The following RPTOR variants were observed in gnomAD, a reference collection of about 807,000 sequenced individuals.
The protein encoded by RPTOR is regulatory associated protein of MTOR complex 1, also known as regulatory-associated protein of mTOR.
A neutral mutation model predicts 169.9 loss-of-function variants in RPTOR; 21 were observed. That is an observed-to-expected ratio of 0.12 (90% CI 0.09 to 0.18). The LOEUF is 0.18. Among genes scored for constraint, RPTOR ranks in the 10% least tolerant of loss-of-function variants. RPTOR has a pLI of 1.00. For missense variants in RPTOR, 1,133 were observed against 1,855.9 expected (o/e 0.61, Z 7.16); for synonymous variants, 732 against 753.2 (o/e 0.97, Z 0.46).
rs1555599807 is a variant in RPTOR at position 80,634,308 on chromosome 17, C to CTG, written c.265+8518_265+8519dup. Among the ~76,000 whole-genome samples the CTG allele has an allele frequency of 5.1e-3, 328 of 64,414 alleles. 2 individuals carry two copies. The highest frequency in any genetic ancestry group is 0.024 in the Middle Eastern group (2 of 82). The allele number at this position is 64,414 out of a possible 152,430, so 42.3% of individuals were successfully genotyped here. On this transcript the variant is annotated intron_variant, in intron 2 of 33. Coordinates refer to ENST00000306801, the MANE Select transcript of RPTOR (RefSeq NM_020761.3). The stretch of plus-strand genomic sequence containing the variant: ...TGTGTGCGTACTGTGTGTGTGCGTA[C>CTG]TGTGCGTGTGCGTACTATGTGCGTG...
chr17:80,911,211 C>T (rs9891592), intron 21 of RPTOR, among the ~76,000 whole-genome samples: 2,913 of 152,274 alleles, frequency 0.019, 106 homozygotes, highest in African/African-American at 0.066. Flanking sequence ...AATTCTGCAC[C>T]GGCCTCCCCT....
In RPTOR at chr17:80,855,445, TTTC is replaced by T. The variant is rs771381287; in HGVS notation, c.1315-13_1315-11del. The T allele has an allele frequency of 1.2e-6, 2 of 1,601,254 alleles. No homozygotes were observed. Among genetic ancestry groups the T allele is most frequent in the Non-Finnish European group, 1.7e-6 (2 of 1,168,422 alleles). On this transcript the variant is annotated splice_polypyrimidine_tract_variant and intron_variant, in intron 11 of 33. Transcript: ENST00000306801. ...CCAGTATGGTTTGCAGTGATACCAT[TTTC>T]TTCTTGTTCTTCCAGGTGCTGTTAA... is the stretch of plus-strand genomic sequence containing the variant.
intron 2 of RPTOR, among the ~76,000 whole-genome samples, chr17:80,629,718 C>T (rs927573004): frequency 2.4e-4 from 36 of 150,674 alleles, no homozygotes; most frequent in Admixed American, 2.0e-4. Flanking sequence ...GCAGCTCTTC[C>T]ATGTGTCTCT....
chr17:80,964,203 G>GCCCCCCCC, intron 33 of RPTOR, 59 bp from the exon 34 acceptor site: 8 of 511,970 alleles, frequency 1.6e-5, no homozygotes, highest in Admixed American at 8.3e-5. Context: ...GCGCCCCCCC[G>GCCCCCCCC]CCCCCCGCAG....
At chr17:80,718,030 A>AT (rs374729473) in intron 4 of RPTOR, among the ~76,000 whole-genome samples, 3 of 151,944 alleles carry the variant, frequency 2.0e-5, no homozygotes, top group South Asian at 4.2e-4. Context: ...CACTTGATAC[A>AT]TTTTTTTTCT....
At chr17:80,836,448 G>A (rs962891042) in intron 9 of RPTOR, among the ~76,000 whole-genome samples, 1 of 152,218 alleles carries the variant, frequency 6.6e-6, no homozygotes. Context: ...GTGTGGCTCT[G>A]CGGCCTTGGG....
chr17:80,929,241 C>A (rs1355448188), intron 24 of RPTOR, among the ~76,000 whole-genome samples: 1 of 152,140 alleles, frequency 6.6e-6, no homozygotes, highest in Non-Finnish European at 1.5e-5. Flanking sequence ...GTAAAATAAT[C>A]AAATTGTACA....
At chr17:80,654,208 G>A (rs2065662691) in intron 3 of RPTOR, among the ~76,000 whole-genome samples, 1 of 152,246 alleles carries the variant, frequency 6.6e-6, no homozygotes, top group Non-Finnish European at 1.5e-5. Flanking sequence ...AGTAGAAGGA[G>A]ATTCCCCCAC....
intron 1 of RPTOR, among the ~76,000 whole-genome samples, chr17:80,614,874 C>T (rs1350171741): frequency 6.6e-6 from 1 of 152,184 alleles, no homozygotes; most frequent in Non-Finnish European, 1.5e-5. Context: ...TGTGCTGTTG[C>T]CTTCGTCACC....
At position 80,708,025 on chromosome 17, in the gene RPTOR, C is replaced by G. The variant is rs779746483; in HGVS notation, c.507+26C>G. Reference sequence around the variant, plus strand: ...GTGGGTGTGCCTTCCAGCTTCCTTCCCGTTTCTGCCAAAAGCCATGCCAAT... The same window carrying G: ...GTGGGTGTGCCTTCCAGCTTCCTTCGCGTTTCTGCCAAAAGCCATGCCAAT... On this transcript the variant is annotated intron_variant, in intron 4 of 33. Transcript: ENST00000306801. The surrounding 1 kb of genome is among the most constrained non-coding windows in gnomAD (Gnocchi z 4.2). The G allele has an allele frequency of 1.9e-6, 3 of 1,602,996 alleles. No homozygotes were observed.
At chr17:80,768,857 G>A (rs369578524) in intron 6 of RPTOR, among the ~76,000 whole-genome samples, 1 of 152,118 alleles carries the variant, frequency 6.6e-6, no homozygotes, top group Admixed American at 6.5e-5. Context: ...AATCAGTGAC[G>A]TTAGGTCACA....
At chr17:80,782,720 C>T (rs1217408001) in intron 6 of RPTOR, among the ~76,000 whole-genome samples, 2 of 152,204 alleles carry the variant, frequency 1.3e-5, no homozygotes. Context: ...GTTCTGCAGG[C>T]ATTTTCACGT....
rs2065455827 is a variant in RPTOR, at chr17:80,633,269, C to T, written c.265+7476C>T. Among the ~76,000 whole-genome samples the T allele has an allele frequency of 6.6e-6, 1 of 152,226 alleles. No homozygotes were observed. Among genetic ancestry groups the T allele is most frequent in the African/African-American group, 2.4e-5 (1 of 41,444 alleles). The stretch of plus-strand genomic sequence containing the variant: ...CTCTTTCCAGATGACAACGCAGTCA[C>T]CAAAATCAAGGAGCATTCGCGTGGA... On this transcript the variant is annotated intron_variant, in intron 2 of 33. Coordinates refer to ENST00000306801, the MANE Select transcript of RPTOR (RefSeq NM_020761.3). This position sits in a 1 kb window ranked among gnomAD's most constrained non-coding sequence, Gnocchi z 4.1.
Position 80,893,849 on chromosome 17 carries a change from C to T in RPTOR, c.2385C>T (p.Ser795=), listed in dbSNP as rs552033289. The change falls in exon 20 of 34, where the codon TCC becomes TCT. Residue 795 remains serine (S), a synonymous_variant. Transcript: ENST00000306801. ...DKMRRASSYS[S]LNSLIGVSFN... ...TGCGCCGCGCCAGCTCCTACTCCTC[C>T]CTCAACTCCCTCATCGGTGAGTCCG... The T allele has an allele frequency of 1.3e-6, 2 of 1,521,234 alleles. No homozygotes were observed. Among genetic ancestry groups the T allele is most frequent in the African/African-American group, 2.8e-5 (2 of 71,524 alleles). The allele number at this position is 1,521,234 out of a possible 1,614,324, so 94.2% of individuals were successfully genotyped here.
At chr17:80,800,580 C>G (rs9905648) in intron 7 of RPTOR, among the ~76,000 whole-genome samples, 31,195 of 152,112 alleles carry the variant, frequency 0.21, 3,407 homozygotes, top group African/African-American at 0.26. Flanking sequence ...AGCGACCCCC[C>G]CAGTTTCTAA....
Position 80,878,452 on chromosome 17 carries a change from T to G in RPTOR, c.1510-1963T>G, listed in dbSNP as rs1005445943. On this transcript the variant is annotated intron_variant, in intron 13 of 33. Transcript: ENST00000306801. The surrounding 1 kb of genome is among the most constrained non-coding windows in gnomAD (Gnocchi z 4.1). ...GCCTCCGCCTCCCAGGTTCCAGCGA[T>G]TCTCCTGCCTCAGCCTCCCGAGTAG... Among the ~76,000 whole-genome samples the G allele has an allele frequency of 6.6e-6, 1 of 152,118 alleles. No homozygotes were observed. The highest frequency in any genetic ancestry group is 1.5e-5 in the Non-Finnish European group (1 of 68,008).
At chr17:80,561,778 G>GT (rs2084499611) in intron 1 of RPTOR, among the ~76,000 whole-genome samples, 1 of 152,116 alleles carries the variant, frequency 6.6e-6, no homozygotes, top group Admixed American at 6.6e-5. Flanking sequence ...ACTGGGGTGT[G>GT]TGAGAATGTG....
At chr17:80,602,518 A>G (rs2065197243) in intron 1 of RPTOR, 3 of 431,580 alleles carry the variant, frequency 7.0e-6, no homozygotes, top group East Asian at 6.3e-5. Flanking sequence ...GGAGTTTTAT[A>G]ACTTTATTTG....
chr17:80,903,473 A>C (rs2068502431), intron 20 of RPTOR, among the ~76,000 whole-genome samples: 1 of 152,208 alleles, frequency 6.6e-6, no homozygotes, highest in Non-Finnish European at 1.5e-5. Flanking sequence ...TCTCAGCCGC[A>C]CACATTGCGG....
Sources: allele counts gnomAD v4.1 joint callset (sites outside exome capture counted in the v4.1 genomes callset), GRCh38; gene constraint gnomAD v4.1.1; non-coding constraint Gnocchi (gnomAD v3.1); transcripts MANE v1.5; gene names NCBI Gene and HGNC (gene_info 2026-07-23, HGNC 2026-07-21).